The following ATG7 variants were observed in gnomAD, a reference collection of about 807,000 sequenced individuals.
The protein encoded by ATG7 is ubiquitin-like modifier-activating enzyme ATG7.
ATG7 carries 70 observed loss-of-function variants against 82.4 expected under a neutral mutation model. The observed-to-expected ratio is 0.85, with a 90% CI of 0.70 to 1.04. The LOEUF is 1.04. Ranked by LOEUF, ATG7 falls within the 50% of genes least tolerant of loss-of-function variation. The pLI, the probability that ATG7 is intolerant of heterozygous loss-of-function variation, is 0.00. For synonymous variants in ATG7, 287 were observed against 313.0 expected (o/e 0.92, Z 0.88); for missense variants, 792 against 864.3 (o/e 0.92, Z 1.05).
At chr3:11,305,149 C>T (rs1947514190) in intron 5 of ATG7, among the ~76,000 whole-genome samples, 2 of 152,224 alleles carry the variant, frequency 1.3e-5, no homozygotes, top group Non-Finnish European at 2.9e-5. Flanking sequence ...ACTAAATTCT[C>T]TTGTCTCCAA....
In ATG7 at chr3:11,557,460, A is replaced by AAAT. The variant is rs1321515114; in HGVS notation, c.*2620_*2622dup. 6.6e-6 allele frequency: 1 copy of AAAT among 152,592 alleles called. No individual in the cohort carries two copies. Among genetic ancestry groups the AAAT allele is most frequent in the African/African-American group, 2.4e-5 (1 of 41,444 alleles). 9.5% of individuals were successfully genotyped at this position (152,592 alleles called of 1,614,324 possible). ...TGTAACAAAGCAGACAGGGATGCAA[A>AAAT]AATAAATGATGTCAGCCTGCAGCCA... On this transcript the variant is annotated 3_prime_UTR_variant, in exon 21 of 21. Coordinates refer to ENST00000693202, the MANE Select transcript of ATG7 (RefSeq NM_001349232.2).
At chr3:11,537,973 G>A (rs1348367060) in intron 20 of ATG7, among the ~76,000 whole-genome samples, 2 of 146,798 alleles carry the variant, frequency 1.4e-5, no homozygotes. Flanking sequence ...ACCTGGCCGA[G>A]ATCTGGCCCT....
intron 9 of ATG7, among the ~76,000 whole-genome samples, chr3:11,322,205 C>G (rs1950305837): frequency 6.9e-6 from 1 of 144,970 alleles, no homozygotes; most frequent in African/African-American, 2.6e-5. Context: ...GTCTTTGAAT[C>G]TGCACCCACA....
intron 13 of ATG7, among the ~76,000 whole-genome samples, chr3:11,346,975 A>T (rs1250009611): frequency 1.3e-5 from 2 of 152,264 alleles, no homozygotes; most frequent in Non-Finnish European, 2.9e-5. Context: ...TAATGGAAAG[A>T]TATTGAAATA....
chr3:11,535,047 C>A (rs1024978966), intron 20 of ATG7, among the ~76,000 whole-genome samples: 2 of 152,260 alleles, frequency 1.3e-5, no homozygotes, highest in Non-Finnish European at 2.9e-5. Flanking sequence ...CCTATCCCTG[C>A]CCTTGCGGGT....
At chr3:11,552,601 A>G (rs2437681) in intron 20 of ATG7, among the ~76,000 whole-genome samples, 64,390 of 152,088 alleles carry the variant, frequency 0.42, 14,141 homozygotes, top group African/African-American at 0.51. Context: ...AATGGGACGA[A>G]GCCAGTGGAG....
rs544697629 is a variant in ATG7, at chr3:11,340,064, C to T, written c.890-581C>T. On this transcript the variant is annotated intron_variant, in intron 11 of 20. Coordinates refer to ENST00000693202, the MANE Select transcript of ATG7 (RefSeq NM_001349232.2). The stretch of plus-strand genomic sequence containing the variant: ...CATAGCAGGGATTAAAAGAGGGCTG[C>T]GGGGAAGGGAGAAGTCAGGGAAGGG... Among the ~76,000 whole-genome samples, 23 of 151,994 alleles carry T rather than the reference C, an allele frequency of 1.5e-4. No homozygotes were observed. In the South Asian group the frequency reaches 3.5e-3, roughly 23 times the overall value.
intron 19 of ATG7, among the ~76,000 whole-genome samples, chr3:11,385,898 G>A (rs1297275999): frequency 6.6e-6 from 1 of 152,208 alleles, no homozygotes; most frequent in Non-Finnish European, 1.5e-5. Context: ...GTCTTTGTGA[G>A]TGCCGTTTTA....
At chr3:11,313,523 G>A (rs1003820974) in intron 8 of ATG7, 103 bp downstream of exon 8, 14 of 763,222 alleles carry the variant, frequency 1.8e-5, no homozygotes, top group African/African-American at 1.2e-4. Flanking sequence ...GGATGAAGAC[G>A]TGGTAACTGA....
intron 20 of ATG7, among the ~76,000 whole-genome samples, chr3:11,518,599 C>T (rs1214489931): frequency 6.6e-6 from 1 of 151,680 alleles, no homozygotes; most frequent in Non-Finnish European, 1.5e-5. Flanking sequence ...GTGCAGATCA[C>T]TCTTTGTTAC....
intron 20 of ATG7, among the ~76,000 whole-genome samples, chr3:11,458,264 TTTTTG>T (rs894845892): frequency 1.3e-5 from 2 of 151,970 alleles, no homozygotes; most frequent in African/African-American, 4.8e-5. Context: ...GACTTGGGTT[TTTTTG>T]TTTTGTTTTG....
chr3:11,363,361 G>T (rs933295948), intron 17 of ATG7, among the ~76,000 whole-genome samples: 3 of 151,904 alleles, frequency 2.0e-5, no homozygotes, highest in Non-Finnish European at 4.4e-5. Flanking sequence ...TCCTGCCTCA[G>T]CCTCCCAAGT....
chr3:11,352,598 A>G (rs1332448669), intron 14 of ATG7, among the ~76,000 whole-genome samples: 1 of 152,244 alleles, frequency 6.6e-6, no homozygotes, highest in Admixed American at 6.5e-5. Context: ...TTCATTCAAC[A>G]GATACTTATT....
intron 20 of ATG7, chr3:11,477,300 A>G: frequency 8.3e-7 from 1 of 1,197,968 alleles, no homozygotes; most frequent in South Asian, 1.5e-5. Context: ...AATAAAATGT[A>G]AATAAGAATT....
chr3:11,298,376 G>A (rs1258184936), intron 3 of ATG7, among the ~76,000 whole-genome samples: 2 of 152,214 alleles, frequency 1.3e-5, no homozygotes, highest in African/African-American at 4.8e-5. Context: ...TGGGGGTAAG[G>A]AAATGGGGAG....
chr3:11,412,776 G>A (rs1241823949), intron 19 of ATG7, among the ~76,000 whole-genome samples: 2 of 152,018 alleles, frequency 1.3e-5, no homozygotes, highest in African/African-American at 4.8e-5. Context: ...CCTTGGGTAG[G>A]ATCTTAACAA....
chr3:11,547,479 GTGTT>G (rs2071394481), intron 20 of ATG7, among the ~76,000 whole-genome samples: 1 of 152,142 alleles, frequency 6.6e-6, no homozygotes. Context: ...GAATACTACT[GTGTT>G]TGTGTACAAG....
chr3:11,402,116 G>T (rs929549015), intron 19 of ATG7, among the ~76,000 whole-genome samples: 1 of 152,122 alleles, frequency 6.6e-6, no homozygotes, highest in African/African-American at 2.4e-5. Flanking sequence ...AGTTTCACAT[G>T]ACTAGCAAAA....
chr3:11,562,552 G>A (rs2073115537), downstream of ATG7, among the ~76,000 whole-genome samples: 1 of 152,232 alleles, frequency 6.6e-6, no homozygotes, highest in Non-Finnish European at 1.5e-5. Context: ...CTTCCAGGAA[G>A]AGACCTCGGA....
Sources: gnomAD v4.1 joint callset for allele counts (sites outside exome capture counted in the v4.1 genomes callset) on GRCh38, gnomAD v4.1.1 for gene constraint, MANE v1.5 for transcripts, NCBI Gene and HGNC (gene_info 2026-07-23, HGNC 2026-07-21) for gene names.